The following CEP112 variants were observed in gnomAD, a reference collection of about 807,000 sequenced individuals.
CEP112 encodes the protein centrosomal protein of 112 kDa.
Under a neutral mutation model 153.0 loss-of-function variants are expected in CEP112, and 127 were observed. That is an observed-to-expected ratio of 0.83 (90% CI 0.72 to 0.96). The LOEUF is 0.96. CEP112 is among the 40% of genes least tolerant of loss of function. The pLI, the probability that CEP112 is intolerant of heterozygous loss-of-function variation, is 0.00. For missense variants in CEP112, 1,089 were observed against 1,101.2 expected (o/e 0.99, Z 0.16); for synonymous variants, 358 against 374.4 (o/e 0.96, Z 0.51).
chr17:65,645,674 T>C (rs1300403454), intron 24 of CEP112, among the ~76,000 whole-genome samples: 2 of 152,260 alleles, frequency 1.3e-5, no homozygotes, highest in Admixed American at 6.5e-5. Context: ...TGTGAATGCT[T>C]TGACACTGTG....
chr17:66,117,608 C>A (rs548890274), intron 6 of CEP112, among the ~76,000 whole-genome samples: 1 of 152,186 alleles, frequency 6.6e-6, no homozygotes, highest in Admixed American at 6.5e-5. Flanking sequence ...TTGGTCTCTG[C>A]AAAGATTATT....
At chr17:65,750,899 C>CAAAA in intron 21 of CEP112, 175 bp from the exon 22 acceptor site, 1 of 347,764 alleles carries the variant, frequency 2.9e-6, no homozygotes, top group Admixed American at 5.2e-5. Context: ...ACTTAAAAAG[C>CAAAA]AAAAAAAAAA....
intron 21 of CEP112, among the ~76,000 whole-genome samples, chr17:65,757,741 T>C (rs2052372710): frequency 6.6e-6 from 1 of 152,180 alleles, no homozygotes; most frequent in South Asian, 2.1e-4. Flanking sequence ...CTTATATAAA[T>C]CTAAAAAGCT....
intron 17 of CEP112, among the ~76,000 whole-genome samples, chr17:65,973,741 C>A (rs1174651178): frequency 6.6e-6 from 1 of 152,004 alleles, no homozygotes; most frequent in African/African-American, 2.4e-5. Flanking sequence ...AAGGGGTAGA[C>A]CAGAAGGATG....
intron 24 of CEP112, among the ~76,000 whole-genome samples, chr17:65,650,558 T>C (rs2045694467): frequency 1.3e-5 from 2 of 151,924 alleles, no homozygotes; most frequent in Non-Finnish European, 2.9e-5. Context: ...ACCACTTGGG[T>C]TCTGCTCTGT....
At chr17:65,899,073 T>C (rs1161588394) in intron 20 of CEP112, among the ~76,000 whole-genome samples, 4 of 152,226 alleles carry the variant, frequency 2.6e-5, no homozygotes, top group Non-Finnish European at 1.5e-5. Context: ...AGAACTTCCA[T>C]GTCAGAAGAA....
chr17:66,028,305 A>G lies in CEP112; in HGVS notation c.1596+8T>C. The G allele has an allele frequency of 6.6e-7, 1 of 1,522,948 alleles. No individual in the cohort carries two copies. Among genetic ancestry groups the G allele is most frequent in the East Asian group, 2.3e-5 (1 of 43,072 alleles). The allele number at this position is 1,522,948 out of a possible 1,614,324, so 94.3% of individuals were successfully genotyped here. On this transcript the variant is annotated splice_region_variant and intron_variant, in intron 15 of 26. Coordinates refer to ENST00000535342, the MANE Select transcript of CEP112 (RefSeq NM_001199165.4). ...CATTGTTCTTCTGTGTAGAAATACA[A>G]GACTCACCCTTAGTTGTTGCTTTCT...
intron 21 of CEP112, among the ~76,000 whole-genome samples, chr17:65,849,198 T>C (rs1272870376): frequency 6.6e-6 from 1 of 152,218 alleles, no homozygotes; most frequent in Non-Finnish European, 1.5e-5. Flanking sequence ...CTTATTCTTT[T>C]GACTTAGAAT....
rs1031411215 is a variant in CEP112 at position 65,692,331 on chromosome 17, C to A, written c.2608-3113G>T. On this transcript the variant is annotated intron_variant, in intron 23 of 26. Coordinates refer to ENST00000535342, the MANE Select transcript of CEP112 (RefSeq NM_001199165.4). Reference sequence around the variant, plus strand: ...GCGACCTCCACCTCCCGGGTTCAAGCGATTCTCCTGCCTCAGCCTCCAAGT... The same window carrying A: ...GCGACCTCCACCTCCCGGGTTCAAGAGATTCTCCTGCCTCAGCCTCCAAGT... 7.3e-5 allele frequency among the ~76,000 whole-genome samples: 11 copies of A among 150,650 alleles called. No homozygotes were observed. In the South Asian group the frequency reaches 2.3e-3, roughly 32 times the overall value.
At chr17:65,811,379 T>C (rs2055943046) in intron 21 of CEP112, among the ~76,000 whole-genome samples, 1 of 152,124 alleles carries the variant, frequency 6.6e-6, no homozygotes, top group Non-Finnish European at 1.5e-5. Context: ...GGCAAAAAAC[T>C]GCTAGTGTGA....
chr17:66,186,009 T>A (rs962537021), intron 1 of CEP112, among the ~76,000 whole-genome samples: 7 of 151,940 alleles, frequency 4.6e-5, no homozygotes, highest in African/African-American at 1.7e-4. Context: ...CCAAGGTCTC[T>A]CATAATCTCT....
At chr17:65,842,062 T>C (rs2057540855) in intron 21 of CEP112, among the ~76,000 whole-genome samples, 1 of 152,102 alleles carries the variant, frequency 6.6e-6, no homozygotes, top group Non-Finnish European at 1.5e-5. Flanking sequence ...TTTGCTGTAT[T>C]GATCTAAGGC....
chr17:65,653,501 G>A (rs1435202855), intron 24 of CEP112, among the ~76,000 whole-genome samples: 2 of 152,280 alleles, frequency 1.3e-5, no homozygotes, highest in African/African-American at 2.4e-5. Flanking sequence ...TTGGAGCATG[G>A]CGTGTACTCT....
chr17:65,861,395 A>T (rs1202991016), intron 20 of CEP112, among the ~76,000 whole-genome samples: 8 of 152,244 alleles, frequency 5.3e-5, no homozygotes, highest in Admixed American at 3.3e-4. Flanking sequence ...ACTTGAAAAG[A>T]TTGATGAATT....
In CEP112 at chr17:65,654,993, T is replaced by C. The variant is rs553134172; in HGVS notation, c.2698-13928A>G. The C allele has an allele frequency of 2.7e-5, 19 of 697,380 alleles. No individual in the cohort carries two copies. The African/African-American group carries it at 3.4e-4, about 12-fold the overall frequency. The allele number at this position is 697,380 out of a possible 1,614,324, so 43.2% of individuals were successfully genotyped here. A position where few individuals can be genotyped will look rare whatever the true frequency, so the allele number is the denominator to read the frequency against. ...ATAGTGATTGGCAAAGGGAACCTGATAGAAGAACAGGCCCTTATCATAAAT... is the reference window on the plus strand; with the variant it reads ...ATAGTGATTGGCAAAGGGAACCTGACAGAAGAACAGGCCCTTATCATAAAT... On this transcript the variant is annotated intron_variant, in intron 24 of 26. Transcript: ENST00000535342.
Position 65,721,844 on chromosome 17 carries a change from T to TAA in CEP112, c.2607+21222_2607+21223dup, listed in dbSNP as rs34180530. On this transcript the variant is annotated intron_variant, in intron 23 of 26. Transcript: ENST00000535342. ...TGTTTGCAAGGACCACTAGCATAAT[T>TAA]AAAAAAAAAAATCACAGCAAGCAAC... is the stretch of plus-strand genomic sequence containing the variant. Among the ~76,000 whole-genome samples the TAA allele has an allele frequency of 2.0e-3, 306 of 149,810 alleles. 4 individuals are homozygous for TAA. The highest frequency in any genetic ancestry group is 6.5e-3 in the African/African-American group (266 of 40,916).
chr17:65,741,593 T>C (rs1198262087), intron 23 of CEP112, among the ~76,000 whole-genome samples: 1 of 151,726 alleles, frequency 6.6e-6, no homozygotes, highest in African/African-American at 2.4e-5. Flanking sequence ...GTACTAATTA[T>C]AATTCTTTCA....
intron 8 of CEP112, among the ~76,000 whole-genome samples, chr17:66,075,752 G>C (rs186498435): frequency 1.3e-5 from 2 of 152,242 alleles, no homozygotes; most frequent in African/African-American, 4.8e-5. Flanking sequence ...GTGTGCAGAG[G>C]CTTGCATCAT....
At chr17:65,683,526 C>A (rs1290014091) in intron 24 of CEP112, among the ~76,000 whole-genome samples, 6 of 152,172 alleles carry the variant, frequency 3.9e-5, no homozygotes, top group Non-Finnish European at 7.3e-5. Flanking sequence ...CTGATTCCTG[C>A]CGAACAGCTT....
Sources: allele counts gnomAD v4.1 joint callset (sites outside exome capture counted in the v4.1 genomes callset), GRCh38; gene constraint gnomAD v4.1.1; transcripts MANE v1.5; gene names NCBI Gene and HGNC (gene_info 2026-07-23, HGNC 2026-07-21).